Variants in PTPRD observed in about 807,000 individuals in gnomAD.
The protein encoded by PTPRD is receptor-type tyrosine-protein phosphatase delta.
A neutral mutation model predicts 214.5 loss-of-function variants in PTPRD; 34 were observed. The observed-to-expected ratio is 0.16, with a 90% CI of 0.12 to 0.21. The LOEUF (loss-of-function observed/expected upper bound fraction) is 0.21. Among genes scored for constraint, PTPRD ranks in the 10% least tolerant of loss-of-function variants. The pLI, the probability that PTPRD is intolerant of heterozygous loss-of-function variation, is 1.00. For synonymous variants in PTPRD, 1,128 were observed against 845.7 expected (o/e 1.33, Z -5.79); for missense variants, 2,545 against 2,398.7 (o/e 1.06, Z -1.27).
chr9:9,399,243 G>A lies in PTPRD; in HGVS notation c.-236-1761C>T, dbSNP rs143469037. 2.7e-4 allele frequency among the ~76,000 whole-genome samples: 41 copies of A among 152,000 alleles called. No homozygotes were observed. The East Asian group carries it at 7.4e-3, about 27-fold the overall frequency. ...TTTAGCATAAGTATTTAAAATAAAA[G>A]CACTGGTTTCTTAATTTGGTAAGAG... is the stretch of plus-strand genomic sequence containing the variant. On this transcript the variant is annotated intron_variant, in intron 8 of 45. Coordinates refer to ENST00000381196, the MANE Select transcript of PTPRD (RefSeq NM_002839.4).
At chr9:9,440,142 G>C (rs1275881265) in intron 8 of PTPRD, among the ~76,000 whole-genome samples, 1 of 152,178 alleles carries the variant, frequency 6.6e-6, no homozygotes, top group East Asian at 1.9e-4. Flanking sequence ...CATTAGATAA[G>C]AATCAGAAGT....
At chr9:9,457,826 C>A (rs2093222524) in intron 8 of PTPRD, among the ~76,000 whole-genome samples, 3 of 152,008 alleles carry the variant, frequency 2.0e-5, no homozygotes, top group South Asian at 4.1e-4. Flanking sequence ...CCTCTCATAA[C>A]TTTACCCCAG....
At chr9:10,090,959 CAT>C (rs56217160) in intron 3 of PTPRD, among the ~76,000 whole-genome samples, 28,842 of 129,980 alleles carry the variant, frequency 0.22, 3,305 homozygotes, top group East Asian at 0.46. Context: ...CACACACACA[CAT>C]GCATGTGGTA....
chr9:9,297,014 G>T (rs915647703), intron 9 of PTPRD, among the ~76,000 whole-genome samples: 1 of 151,668 alleles, frequency 6.6e-6, no homozygotes, highest in Non-Finnish European at 1.5e-5. Flanking sequence ...TAAGCAGACT[G>T]ACTTGGAAAA....
chr9:8,550,541 A>C lies in PTPRD; in HGVS notation c.353-21762T>G, dbSNP rs374993789. On this transcript the variant is annotated intron_variant, in intron 14 of 45. Coordinates refer to ENST00000381196, the MANE Select transcript of PTPRD (RefSeq NM_002839.4). ...TGACCTACTGGATAATGTATCTACC[A>C]TACACACAAACAGATACGTATGTGC... Among the ~76,000 whole-genome samples, 16 of 152,324 alleles carry C rather than the reference A, an allele frequency of 1.1e-4. No individual in the cohort carries two copies. In the South Asian group the frequency reaches 2.9e-3, roughly 28 times the overall value.
chr9:10,210,796 C>CATATATGTATAT (rs2099512640), intron 3 of PTPRD, among the ~76,000 whole-genome samples: 1 of 76,730 alleles, frequency 1.3e-5, no homozygotes, highest in African/African-American at 4.1e-5. Context: ...CAAAAAACTT[C>CATATATGTATAT]ATATATATAT....
At chr9:9,415,538 C>A (rs965847907) in intron 8 of PTPRD, among the ~76,000 whole-genome samples, 6 of 151,834 alleles carry the variant, frequency 4.0e-5, no homozygotes, top group Non-Finnish European at 8.8e-5. Context: ...GATTTATGAG[C>A]CAAGAATTAA....
At chr9:9,643,110 T>C (rs995690246) in intron 7 of PTPRD, among the ~76,000 whole-genome samples, 3 of 152,228 alleles carry the variant, frequency 2.0e-5, no homozygotes, top group Admixed American at 6.5e-5. Flanking sequence ...AGATTATGAA[T>C]GCAGCTAAGA....
chr9:9,805,361 C>G (rs941945456), intron 5 of PTPRD, among the ~76,000 whole-genome samples: 7 of 152,088 alleles, frequency 4.6e-5, no homozygotes, highest in African/African-American at 1.7e-4. Flanking sequence ...AGAGATTGGG[C>G]TGTCAATTAA....
In PTPRD at chr9:9,643,828, T is replaced by C. The variant is rs371173027; in HGVS notation, c.-286-69047A>G. Among the ~76,000 whole-genome samples, 38 of 152,264 alleles carry C rather than the reference T, an allele frequency of 2.5e-4. No individual in the cohort carries two copies. The South Asian group carries it at 7.9e-3, about 32-fold the overall frequency. Reference sequence around the variant, plus strand: ...AACTCATACCATGAGTTTCCAAACATAATAAATCCTAGTTTTCTAAAAATA... The same window carrying C: ...AACTCATACCATGAGTTTCCAAACACAATAAATCCTAGTTTTCTAAAAATA... On this transcript the variant is annotated intron_variant, in intron 7 of 45. Transcript: ENST00000381196.
rs1320920573 is a variant in PTPRD at position 10,194,331 on chromosome 9, TATATATATATATATAGAGAGAGAGAGAG to T, written c.-545+146604_-545+146631del. Reference sequence around the variant, plus strand: ...ATATAGCTATTCATATATATATATATATATATATATATATAGAGAGAGAGAGAGAGAGAGAGAGAGAGAGAGAGAGAGA... The same window carrying T: ...ATATAGCTATTCATATATATATATATAGAGAGAGAGAGAGAGAGAGAGAGA... On this transcript the variant is annotated intron_variant, in intron 3 of 45. Transcript: ENST00000381196. Among the ~76,000 whole-genome samples the T allele has an allele frequency of 4.2e-4, 26 of 61,778 alleles. 2 individuals carry two copies. The highest frequency in any genetic ancestry group is 7.5e-4 in the Non-Finnish European group (24 of 31,814). The allele number at this position is 61,778 out of a possible 152,430, so 40.5% of individuals were successfully genotyped here.
At chr9:9,710,527 C>G (rs1427984746) in intron 7 of PTPRD, among the ~76,000 whole-genome samples, 2 of 151,934 alleles carry the variant, frequency 1.3e-5, no homozygotes, top group Non-Finnish European at 2.9e-5. Flanking sequence ...TGGAAAGCAA[C>G]TCATGGTGGA....
intron 9 of PTPRD, among the ~76,000 whole-genome samples, chr9:9,366,921 C>T (rs187690646): frequency 6.6e-6 from 1 of 150,706 alleles, no homozygotes; most frequent in Admixed American, 6.6e-5. Flanking sequence ...GAATTTATCT[C>T]TTCACTATGT....
intron 7 of PTPRD, among the ~76,000 whole-genome samples, chr9:9,657,202 T>C (rs2096535192): frequency 6.6e-6 from 1 of 152,120 alleles, no homozygotes; most frequent in Admixed American, 6.6e-5. Context: ...AAATAAAGTT[T>C]ATAAATTTTA....
chr9:9,857,727 G>A (rs1020126169), intron 5 of PTPRD, among the ~76,000 whole-genome samples: 1 of 152,162 alleles, frequency 6.6e-6, no homozygotes, highest in African/African-American at 2.4e-5. Context: ...GAGCAGAGAT[G>A]TCTTAAATGT....
chr9:9,754,309 G>A (rs1305888424), intron 6 of PTPRD, among the ~76,000 whole-genome samples: 2 of 152,024 alleles, frequency 1.3e-5, no homozygotes, highest in Non-Finnish European at 1.5e-5. Flanking sequence ...GAACCTCCCA[G>A]GAAACTGGAT....
At chr9:9,123,518 A>C (rs1362910800) in intron 10 of PTPRD, among the ~76,000 whole-genome samples, 3 of 152,202 alleles carry the variant, frequency 2.0e-5, no homozygotes, top group Non-Finnish European at 4.4e-5. Context: ...CCTCAGCTAC[A>C]TACAATCAGA....
intron 14 of PTPRD, among the ~76,000 whole-genome samples, chr9:8,543,167 T>C (rs531581350): frequency 3.2e-4 from 48 of 152,352 alleles, no homozygotes; most frequent in Admixed American, 1.1e-3. Context: ...AGAAGCGATG[T>C]AATAAAACCT....
intron 9 of PTPRD, among the ~76,000 whole-genome samples, chr9:9,245,448 G>A (rs1178579076): frequency 6.6e-6 from 1 of 152,098 alleles, no homozygotes; most frequent in African/African-American, 2.4e-5. Context: ...CATAAAAAAT[G>A]ATGAGTTCGT....
Sources: gnomAD v4.1 joint callset for allele counts (sites outside exome capture counted in the v4.1 genomes callset) on GRCh38, gnomAD v4.1.1 for gene constraint, MANE v1.5 for transcripts, NCBI Gene and HGNC (gene_info 2026-07-23, HGNC 2026-07-21) for gene names.